PHLPP1: variants seen among roughly 807,000 people sequenced by gnomAD.
PHLPP1 encodes the protein PH domain leucine-rich repeat-containing protein phosphatase 1.
Under a neutral mutation model 117.2 loss-of-function variants are expected in PHLPP1, and 42 were observed. That is an observed-to-expected ratio of 0.36 (90% CI 0.28 to 0.46). PHLPP1 has a LOEUF of 0.46. Among genes scored for constraint, PHLPP1 ranks in the 20% least tolerant of loss-of-function variants. PHLPP1 has a pLI of 1.00. For synonymous variants in PHLPP1, 1,042 were observed against 970.7 expected (o/e 1.07, Z -1.37); for missense variants, 2,084 against 2,241.9 (o/e 0.93, Z 1.42).
At chr18:62,864,031 A>G (rs545707367) in intron 4 of PHLPP1, among the ~76,000 whole-genome samples, 1 of 151,310 alleles carries the variant, frequency 6.6e-6, no homozygotes, top group Non-Finnish European at 1.5e-5. Flanking sequence ...TAATTAATTT[A>G]TTTTTTTGAG....
At chr18:62,913,099 C>T (rs1413846588) in intron 8 of PHLPP1, among the ~76,000 whole-genome samples, 1 of 152,152 alleles carries the variant, frequency 6.6e-6, no homozygotes, top group Non-Finnish European at 1.5e-5. Flanking sequence ...CTCTCATGCC[C>T]AGAATCTTCA....
intron 12 of PHLPP1, among the ~76,000 whole-genome samples, chr18:62,956,678 G>A (rs1282271551): frequency 6.6e-6 from 1 of 152,012 alleles, no homozygotes; most frequent in Non-Finnish European, 1.5e-5. Flanking sequence ...AGATTTAAGG[G>A]TATATTTTTC....
chr18:62,882,955 A>G (rs796997426), intron 4 of PHLPP1, among the ~76,000 whole-genome samples: 5 of 149,422 alleles, frequency 3.3e-5, no homozygotes, highest in African/African-American at 5.0e-5. Flanking sequence ...TTAAAAAAAA[A>G]AAAAAAAGAA....
intron 8 of PHLPP1, among the ~76,000 whole-genome samples, chr18:62,913,079 C>A (rs1202148969): frequency 1.3e-5 from 2 of 152,152 alleles, no homozygotes; most frequent in African/African-American, 4.8e-5. Context: ...AATTCATCTT[C>A]CTGTGGCCAC....
chr18:62,934,116 G>A (rs905478389), intron 10 of PHLPP1, among the ~76,000 whole-genome samples: 1 of 152,170 alleles, frequency 6.6e-6, no homozygotes, highest in Non-Finnish European at 1.5e-5. Flanking sequence ...TACATTGTTG[G>A]TAGGAATGTG....
At chr18:62,746,579 T>C (rs1456798686) in intron 1 of PHLPP1, among the ~76,000 whole-genome samples, 1 of 152,088 alleles carries the variant, frequency 6.6e-6, no homozygotes, top group African/African-American at 2.4e-5. Flanking sequence ...AAAAATGTAT[T>C]ATAGGCCATT....
At chr18:62,913,996 G>T (rs979506073) in intron 8 of PHLPP1, among the ~76,000 whole-genome samples, 1 of 151,968 alleles carries the variant, frequency 6.6e-6, no homozygotes, top group Non-Finnish European at 1.5e-5. Context: ...TCTGCAGCCT[G>T]GGCCTCCCAA....
At chr18:62,722,882 T>G (rs1910965171) in intron 1 of PHLPP1, among the ~76,000 whole-genome samples, 1 of 152,224 alleles carries the variant, frequency 6.6e-6, no homozygotes, top group African/African-American at 2.4e-5. Context: ...TGTGTGATAT[T>G]ATGCTTTTTA....
chr18:62,980,271 C>A lies in PHLPP1; in HGVS notation c.*840C>A. Reference sequence around the variant, plus strand: ...TTTTCCTCCCCTGTCCCAGCCTTCCCACTTTGACAGACACTTTTAACTGTG... The same window carrying A: ...TTTTCCTCCCCTGTCCCAGCCTTCCAACTTTGACAGACACTTTTAACTGTG... On this transcript the variant is annotated 3_prime_UTR_variant, in exon 17 of 17. Coordinates refer to ENST00000262719, the MANE Select transcript of PHLPP1 (RefSeq NM_194449.4). The A allele has an allele frequency of 6.5e-6, 1 of 153,104 alleles. No individual in the cohort carries two copies. The highest frequency in any genetic ancestry group is 1.9e-4 in the East Asian group (1 of 5,252). The allele number at this position is 153,104 out of a possible 1,614,324, so 9.5% of individuals were successfully genotyped here. A position where few individuals can be genotyped will look rare whatever the true frequency, so the allele number is the denominator to read the frequency against.
intron 10 of PHLPP1, among the ~76,000 whole-genome samples, chr18:62,922,223 A>G (rs746830836): frequency 1.3e-5 from 2 of 151,890 alleles, no homozygotes; most frequent in Non-Finnish European, 2.9e-5. Context: ...TGCAACCTCC[A>G]CCTCCTGGGT....
At position 62,919,948 on chromosome 18, in the gene PHLPP1, T is replaced by G. The variant is rs1392224254; in HGVS notation, c.2805-11T>G. On this transcript the variant is annotated splice_polypyrimidine_tract_variant and intron_variant, in intron 9 of 16. Coordinates refer to ENST00000262719, the MANE Select transcript of PHLPP1 (RefSeq NM_194449.4). ...TTTTCATTTTTTGGTCTTTTGTCCC[T>G]TTTTATACAGCTTATTTTGTAATAG... 7 of 1,571,014 alleles carry G rather than the reference T, an allele frequency of 4.5e-6. No homozygotes were observed. The East Asian group carries it at 1.4e-4, about 31-fold the overall frequency.
intron 14 of PHLPP1, among the ~76,000 whole-genome samples, chr18:62,967,720 T>C (rs190296702): frequency 1.3e-5 from 2 of 151,680 alleles, no homozygotes; most frequent in East Asian, 1.9e-4. Flanking sequence ...TGGTTTTTTT[T>C]CTTCTTCAGG....
At chr18:62,824,131 CAA>C (rs34639796) in intron 1 of PHLPP1, 8,793 of 332,558 alleles carry the variant, frequency 0.026, no homozygotes, top group South Asian at 0.032. Context: ...AACTCCGTCT[CAA>C]AAAAAAAAAA....
intron 15 of PHLPP1, among the ~76,000 whole-genome samples, chr18:62,975,125 C>T (rs1432812616): frequency 6.6e-6 from 1 of 152,146 alleles, no homozygotes; most frequent in Non-Finnish European, 1.5e-5. Flanking sequence ...CCCAGGGGCA[C>T]CCGCCTTCCA....
intron 14 of PHLPP1, among the ~76,000 whole-genome samples, chr18:62,969,239 T>A: frequency 6.6e-6 from 1 of 152,142 alleles, no homozygotes; most frequent in Non-Finnish European, 1.5e-5. Flanking sequence ...CCTTTCTTCT[T>A]GCTTTGGGTT....
At chr18:62,963,853 G>A (rs973655754) in intron 14 of PHLPP1, among the ~76,000 whole-genome samples, 2 of 152,168 alleles carry the variant, frequency 1.3e-5, no homozygotes, top group African/African-American at 4.8e-5. Context: ...AGGAGAAGTA[G>A]CTTAATTGTG....
At chr18:62,953,246 T>G (rs184056307) in intron 12 of PHLPP1, among the ~76,000 whole-genome samples, 3 of 152,300 alleles carry the variant, frequency 2.0e-5, no homozygotes, top group Admixed American at 2.0e-4. Flanking sequence ...ATCTATAGGA[T>G]CCACAGTTCA....
chr18:62,766,078 T>TATATATATATATATA (rs1912497079), intron 1 of PHLPP1, among the ~76,000 whole-genome samples: 1 of 19,324 alleles, frequency 5.2e-5, no homozygotes, highest in Non-Finnish European at 1.1e-4. Flanking sequence ...AAAAAAAAAA[T>TATATATATATATATA]ATATATATAT....
rs768316835 is a variant in PHLPP1 at position 62,715,606 on chromosome 18, T to TCTCCCACCTCCGC, written c.-74_-62dup. 0.012 allele frequency: 11,624 copies of TCTCCCACCTCCGC among 981,598 alleles called. 93 individuals are homozygous for TCTCCCACCTCCGC. The highest frequency in any genetic ancestry group is 0.016 in the Middle Eastern group (44 of 2,806). 60.8% of individuals were successfully genotyped at this position (981,598 alleles called of 1,614,324 possible). On this transcript the variant is annotated 5_prime_UTR_variant, in exon 1 of 17. Coordinates refer to ENST00000262719, the MANE Select transcript of PHLPP1 (RefSeq NM_194449.4). Reference sequence around the variant, plus strand: ...CTCCCTTCTCCGCGCGCCGCCGCCGTCTCCCACCTCCGCCTCATCGCCTCC... The same window carrying TCTCCCACCTCCGC: ...CTCCCTTCTCCGCGCGCCGCCGCCGTCTCCCACCTCCGCCTCCCACCTCCGCCTCATCGCCTCC...
Sources: allele counts gnomAD v4.1 joint callset (sites outside exome capture counted in the v4.1 genomes callset), GRCh38; gene constraint gnomAD v4.1.1; transcripts MANE v1.5; gene names NCBI Gene and HGNC (gene_info 2026-07-23, HGNC 2026-07-21).